Variants in DPP8 observed in about 807,000 individuals in gnomAD.
The protein encoded by DPP8 is dipeptidyl peptidase 8.
In DPP8, 31 loss-of-function variants were observed where a neutral mutation model predicts 107.5. The ratio of observed to expected loss-of-function variants is 0.29; its 90% CI spans 0.22 to 0.39. The LOEUF (loss-of-function observed/expected upper bound fraction) is 0.39. Among genes scored for constraint, DPP8 ranks in the 10% least tolerant of loss-of-function variants. The pLI, the probability that DPP8 is intolerant of heterozygous loss-of-function variation, is 1.00. For missense variants in DPP8, 842 were observed against 1,076.1 expected (o/e 0.78, Z 3.04); for synonymous variants, 381 against 356.6 (o/e 1.07, Z -0.77).
At chr15:65,493,853 T>C (rs1341800155) in intron 5 of DPP8, among the ~76,000 whole-genome samples, 3 of 152,090 alleles carry the variant, frequency 2.0e-5, no homozygotes, top group African/African-American at 7.3e-5. Flanking sequence ...CAAATCCATC[T>C]CAAGTGGACT....
At chr15:65,479,967 GC>G (rs1209681933) in intron 10 of DPP8, among the ~76,000 whole-genome samples, 1 of 151,956 alleles carries the variant, frequency 6.6e-6, no homozygotes, top group Admixed American at 6.6e-5. Context: ...CACTGATGAG[GC>G]TGTATATTTA....
chr15:65,498,661 A>G (rs2068848355), intron 4 of DPP8, among the ~76,000 whole-genome samples: 1 of 152,152 alleles, frequency 6.6e-6, no homozygotes, highest in Admixed American at 6.6e-5. Context: ...TTCACTCAAT[A>G]TTTTATTAAA....
intron 5 of DPP8, among the ~76,000 whole-genome samples, chr15:65,494,149 C>CTTTTTTTTTTT (rs542314824): frequency 8.1e-6 from 1 of 123,290 alleles, no homozygotes; most frequent in African/African-American, 3.4e-5. Context: ...GTTCTATATC[C>CTTTTTTTTTTT]TTTTTTTTTT....
At chr15:65,491,406 T>C (rs2068019497) in intron 5 of DPP8, among the ~76,000 whole-genome samples, 1 of 152,202 alleles carries the variant, frequency 6.6e-6, no homozygotes, top group Admixed American at 6.5e-5. Flanking sequence ...GAAAAATACA[T>C]ATACTTGTAT....
chr15:65,477,804 T>C (rs2066534660), intron 11 of DPP8, among the ~76,000 whole-genome samples: 1 of 152,102 alleles, frequency 6.6e-6, no homozygotes, highest in South Asian at 2.1e-4. Context: ...AGTGCTGGGA[T>C]TACAGGCGTG....
intron 15 of DPP8, among the ~76,000 whole-genome samples, chr15:65,459,308 C>G (rs887476856): frequency 3.3e-5 from 5 of 152,102 alleles, no homozygotes; most frequent in Non-Finnish European, 7.4e-5. Context: ...TCCCAAGTAG[C>G]TGGGACCAGA....
In DPP8 at chr15:65,442,747, TAA is replaced by T. The variant is rs1331722948; in HGVS notation, c.*4135_*4136del. The stretch of plus-strand genomic sequence containing the variant: ...ACAAACACTACTTTTTCTTTATCTG[TAA>T]AGGACTTATGAAATGATCACCTAGA... On this transcript the variant is annotated 3_prime_UTR_variant, in exon 20 of 20. Transcript: ENST00000300141. 1 of 152,228 alleles carries T rather than the reference TAA, an allele frequency of 6.6e-6. No individual in the cohort carries two copies. The highest frequency in any genetic ancestry group is 1.9e-4 in the East Asian group (1 of 5,198). The allele number at this position is 152,228 out of a possible 1,614,324, so 9.4% of individuals were successfully genotyped here.
intron 12 of DPP8, among the ~76,000 whole-genome samples, chr15:65,473,054 T>C (rs980017934): frequency 1.3e-5 from 2 of 151,024 alleles, no homozygotes; most frequent in Non-Finnish European, 3.0e-5. Flanking sequence ...GAAAAGCAAA[T>C]GGTGAGCAGG....
chr15:65,497,388 T>C (rs410380), intron 5 of DPP8, among the ~76,000 whole-genome samples: 142,565 of 152,206 alleles, frequency 0.94, 66,780 homozygotes, highest in Admixed American at 0.96. Context: ...TCCCAGGTAG[T>C]TGGGACTACA....
At chr15:65,479,873 AAAG>A (rs1234754732) in intron 10 of DPP8, among the ~76,000 whole-genome samples, 5 of 148,076 alleles carry the variant, frequency 3.4e-5, no homozygotes, top group African/African-American at 1.0e-4. Context: ...AAAAAAAAAA[AAAG>A]AATTGGTATA....
At chr15:65,470,919 C>CAAAAAAAAAAAGAAAAAAAAA (rs2065830135) in intron 12 of DPP8, among the ~76,000 whole-genome samples, 1 of 110,768 alleles carries the variant, frequency 9.0e-6, no homozygotes, top group African/African-American at 3.4e-5. Context: ...ACTCTTATCT[C>CAAAAAAAAAAAGAAAAAAAAA]AAAAAAAAAA....
At chr15:65,495,238 C>T (rs556881333) in intron 5 of DPP8, among the ~76,000 whole-genome samples, 3 of 152,272 alleles carry the variant, frequency 2.0e-5, no homozygotes, top group South Asian at 2.1e-4. Flanking sequence ...ATAGACATTA[C>T]TTAGGATCAG....
chr15:65,450,927 C>A, intron 19 of DPP8, 72 bp downstream of exon 19: 2 of 974,850 alleles, frequency 2.1e-6, no homozygotes, highest in Admixed American at 2.0e-5. Flanking sequence ...ACTTACCCCA[C>A]AGCTAATAGA....
intron 1 of DPP8, chr15:65,517,120 C>T (rs1377105448): frequency 1.3e-5 from 2 of 152,308 alleles, no homozygotes; most frequent in Non-Finnish European, 2.9e-5. Context: ...AATCCCTTCG[C>T]CTCTGTGGGC....
intron 8 of DPP8, among the ~76,000 whole-genome samples, 189 bp from the exon 9 acceptor site, chr15:65,481,804 G>A (rs1176314657): frequency 6.6e-6 from 1 of 151,904 alleles, no homozygotes; most frequent in Non-Finnish European, 1.5e-5. Flanking sequence ...TAATTTCTGT[G>A]CCTAAAAAAG....
chr15:65,448,447 C>T (rs2063631803), intron 19 of DPP8, among the ~76,000 whole-genome samples: 1 of 151,416 alleles, frequency 6.6e-6, no homozygotes, highest in Non-Finnish European at 1.5e-5. Flanking sequence ...CTGACACGTA[C>T]AGATAACGAG....
At chr15:65,452,182 T>C (rs1595851167) in intron 17 of DPP8, 80 bp from the exon 18 acceptor site, 1 of 1,486,010 alleles carries the variant, frequency 6.7e-7, no homozygotes, top group East Asian at 2.4e-5. Context: ...ACTGCAAATT[T>C]ACAGTCTAAA....
chr15:65,448,874 A>ATGTGTGTGTG (rs1247561677), intron 19 of DPP8, among the ~76,000 whole-genome samples: 14 of 12,024 alleles, frequency 1.2e-3, no homozygotes, highest in South Asian at 2.0e-3. Flanking sequence ...AAATATATAT[A>ATGTGTGTGTG]TATATATATA....
chr15:65,492,554 G>A (rs539273783), intron 5 of DPP8, among the ~76,000 whole-genome samples: 1 of 152,196 alleles, frequency 6.6e-6, no homozygotes, highest in African/African-American at 2.4e-5. Context: ...ATTTCTCACT[G>A]TAGCCAGTCT....
Sources: gnomAD v4.1 joint callset for allele counts (sites outside exome capture counted in the v4.1 genomes callset) on GRCh38, gnomAD v4.1.1 for gene constraint, MANE v1.5 for transcripts, NCBI Gene and HGNC (gene_info 2026-07-23, HGNC 2026-07-21) for gene names.